Variants in USH2A observed in about 807,000 individuals in gnomAD.
The protein encoded by USH2A is Usher syndrome 2A (autosomal recessive, mild).
USH2A carries 443 observed loss-of-function variants against 538.9 expected under a neutral mutation model. The observed-to-expected ratio is 0.82, with a 90% CI of 0.76 to 0.89. The LOEUF is 0.89. USH2A is among the 40% of genes least tolerant of loss of function. The pLI is 0.00. For missense variants in USH2A, 6,633 were observed against 6,324.8 expected, an observed-to-expected ratio of 1.05 and a Z score of -1.65; for synonymous variants, 2,413 against 2,273.5, an observed-to-expected ratio of 1.06 and a Z score of -1.75.
intron 58 of USH2A, among the ~76,000 whole-genome samples, chr1:215,754,334 A>G (rs1271108527): frequency 1.3e-5 from 2 of 152,160 alleles, no homozygotes; most frequent in Non-Finnish European, 2.9e-5. Flanking sequence ...CCCTTTCACT[A>G]GTAGGACTTA....
At chr1:216,193,304 T>C (rs951932333) in intron 19 of USH2A, among the ~76,000 whole-genome samples, 2 of 152,076 alleles carry the variant, frequency 1.3e-5, no homozygotes, top group African/African-American at 2.4e-5. Context: ...TCAAAATATA[T>C]ATATTATGCC....
chr1:216,049,790 C>T (rs1251944991), intron 30 of USH2A, among the ~76,000 whole-genome samples: 1 of 152,164 alleles, frequency 6.6e-6, no homozygotes, highest in Non-Finnish European at 1.5e-5. Context: ...ACACCTCCCA[C>T]TTGCCCTTAG....
At chr1:215,649,787 A>G (rs144166723) in intron 65 of USH2A, among the ~76,000 whole-genome samples, 28 of 152,308 alleles carry the variant, frequency 1.8e-4, no homozygotes, top group Non-Finnish European at 3.5e-4. Context: ...TCTCTATACA[A>G]TGTTTGTGTG....
intron 61 of USH2A, among the ~76,000 whole-genome samples, chr1:215,702,351 T>C (rs1659054563): frequency 6.6e-6 from 1 of 152,208 alleles, no homozygotes; most frequent in Non-Finnish European, 1.5e-5. Context: ...ATTTCCTGAC[T>C]TTGAATGTTG....
At chr1:215,974,832 T>C (rs1667584679) in intron 35 of USH2A, among the ~76,000 whole-genome samples, 1 of 152,178 alleles carries the variant, frequency 6.6e-6, no homozygotes, top group African/African-American at 2.4e-5. Flanking sequence ...TAGAATGATT[T>C]GTTTTCCTTT....
At chr1:215,811,414 A>G (rs1052243257) in intron 49 of USH2A, among the ~76,000 whole-genome samples, 3 of 152,064 alleles carry the variant, frequency 2.0e-5, no homozygotes, top group African/African-American at 7.2e-5. Flanking sequence ...ATTCTGAGGG[A>G]CCAGCTATTT....
At chr1:216,352,903 A>T (rs2038313361) in intron 4 of USH2A, among the ~76,000 whole-genome samples, 1 of 152,098 alleles carries the variant, frequency 6.6e-6, no homozygotes, top group Non-Finnish European at 1.5e-5. Flanking sequence ...GAAAATGTAT[A>T]AATAGTTGGC....
At chr1:215,840,243 C>T (rs1046965715) in intron 46 of USH2A, among the ~76,000 whole-genome samples, 21 of 132,262 alleles carry the variant, frequency 1.6e-4, no homozygotes, top group African/African-American at 6.0e-4. Flanking sequence ...AGCTATTTTA[C>T]AGATGGGGTT....
At chr1:215,955,312 AT>A (rs1477418535) in intron 37 of USH2A, among the ~76,000 whole-genome samples, 8 of 152,208 alleles carry the variant, frequency 5.3e-5, no homozygotes, top group Admixed American at 5.2e-4. Context: ...AGGAATAAAT[AT>A]CCCAGAAACA....
At chr1:215,754,155 T>C (rs1184170001) in intron 58 of USH2A, among the ~76,000 whole-genome samples, 2 of 152,190 alleles carry the variant, frequency 1.3e-5, no homozygotes, top group Non-Finnish European at 2.9e-5. Flanking sequence ...AGCGTTTGCA[T>C]AAAAATTAAC....
intron 38 of USH2A, among the ~76,000 whole-genome samples, chr1:215,904,570 C>G (rs1321384906): frequency 1.3e-5 from 2 of 152,032 alleles, no homozygotes; most frequent in Non-Finnish European, 2.9e-5. Context: ...TGGGAGCCAG[C>G]CATAATTCCA....
intron 38 of USH2A, among the ~76,000 whole-genome samples, chr1:215,926,241 C>G (rs1442378810): frequency 1.4e-5 from 2 of 147,778 alleles, no homozygotes; most frequent in Admixed American, 6.7e-5. Context: ...AAATACCATT[C>G]TCCACCTGGC....
At chr1:215,747,108 T>C (rs796640430) in intron 58 of USH2A, among the ~76,000 whole-genome samples, 12 of 152,220 alleles carry the variant, frequency 7.9e-5, no homozygotes, top group African/African-American at 2.9e-4. Context: ...GATGTGCCAG[T>C]GTGCTGAACA....
intron 61 of USH2A, among the ~76,000 whole-genome samples, chr1:215,717,457 A>G (rs1659517940): frequency 6.6e-6 from 1 of 152,186 alleles, no homozygotes; most frequent in South Asian, 2.1e-4. Context: ...AGTATGGGCT[A>G]GAGTCTTCCT....
chr1:216,421,840 A>G lies in USH2A; in HGVS notation c.485+12T>C, dbSNP rs201857884. Reference sequence around the variant, plus strand: ...GGGACCTATGAAAGCTTATACCTACACTACTACTTACATTACACCTTGTTG... The same window carrying G: ...GGGACCTATGAAAGCTTATACCTACGCTACTACTTACATTACACCTTGTTG... On this transcript the variant is annotated intron_variant, in intron 2 of 71. Transcript: ENST00000307340. 881 of 1,613,834 alleles carry G rather than the reference A, an allele frequency of 5.5e-4. 1 individual carries two copies. Among genetic ancestry groups the G allele is most frequent in the Admixed American group, 1.1e-3 (65 of 59,976 alleles).
At chr1:215,735,283 G>A (rs572188002) in intron 60 of USH2A, among the ~76,000 whole-genome samples, 3 of 152,150 alleles carry the variant, frequency 2.0e-5, no homozygotes, top group Non-Finnish European at 4.4e-5. Context: ...GGTGCTAGCT[G>A]TTTCCTGTAG....
chr1:215,671,118 G>A lies in USH2A; in HGVS notation c.13987C>T (p.Pro4663Ser), dbSNP rs1657800479. 6.2e-7 allele frequency: 1 copy of A among 1,613,894 alleles called. No individual in the cohort carries two copies. Among genetic ancestry groups the A allele is most frequent in the Non-Finnish European group, 8.5e-7 (1 of 1,180,002 alleles). Residue 4663 changes from proline (P) to serine (S), a missense_variant, in exon 64 of 72, where the codon CCA (proline) becomes TCA (serine). By Grantham distance (74) the Pro-to-Ser change is moderately conservative. Transcript: ENST00000307340. ...VSLLWTGPLQ[P>S]NGKVLYYELY... ...TCGTAATACAAAACTTTTCCATTTGGCTGCAGCGGTCCTGTCCACAAAAGA... is the reference window on the plus strand; with the variant it reads ...TCGTAATACAAAACTTTTCCATTTGACTGCAGCGGTCCTGTCCACAAAAGA...
rs1558031382 is a variant in USH2A at position 215,634,454 on chromosome 1, C to T, written c.15297+5G>A. ...GGAAATGGGGCCACACCTCTACAAACATACCATATGGTTTTCCCCCGGTGG... is the reference window on the plus strand; with the variant it reads ...GGAAATGGGGCCACACCTCTACAAATATACCATATGGTTTTCCCCCGGTGG... On this transcript the variant is annotated splice_donor_5th_base_variant and intron_variant, in intron 70 of 71. Coordinates refer to ENST00000307340, the MANE Select transcript of USH2A (RefSeq NM_206933.4). The T allele has an allele frequency of 6.2e-7, 1 of 1,614,230 alleles. No individual in the cohort carries two copies. The highest frequency in any genetic ancestry group is 1.1e-5 in the South Asian group (1 of 91,084).
At chr1:215,809,361 T>C (rs888262835) in intron 49 of USH2A, among the ~76,000 whole-genome samples, 2 of 152,156 alleles carry the variant, frequency 1.3e-5, no homozygotes, top group Non-Finnish European at 2.9e-5. Context: ...AAAGCCTCTT[T>C]TGAGCATAAT....
Sources: allele counts gnomAD v4.1 joint callset (sites outside exome capture counted in the v4.1 genomes callset), GRCh38; gene constraint gnomAD v4.1.1; transcripts MANE v1.5; gene names NCBI Gene and HGNC (gene_info 2026-07-23, HGNC 2026-07-21).